GRM5: variants seen among roughly 807,000 people sequenced by gnomAD.
The protein encoded by GRM5 is glutamate metabotropic receptor 5, also known as metabotropic glutamate receptor 5.
Under a neutral mutation model 83.1 loss-of-function variants are expected in GRM5, and 19 were observed. The observed-to-expected ratio is 0.23, with a 90% CI of 0.16 to 0.34. The LOEUF is 0.34. GRM5 is among the 10% of genes least tolerant of loss of function. GRM5 has a pLI of 1.00. For missense variants in GRM5, 1,160 were observed against 1,588.3 expected (o/e 0.73, Z 4.58); for synonymous variants, 675 against 633.6 (o/e 1.07, Z -0.98).
intron 2 of GRM5, among the ~76,000 whole-genome samples, chr11:88,924,957 A>T (rs889744285): frequency 3.9e-5 from 6 of 152,032 alleles, no homozygotes; most frequent in South Asian, 2.1e-4. Context: ...AAATAAATTT[A>T]AAAAAATCAT....
At chr11:88,999,011 G>T (rs918263989) in intron 2 of GRM5, among the ~76,000 whole-genome samples, 7 of 152,076 alleles carry the variant, frequency 4.6e-5, no homozygotes, top group African/African-American at 1.4e-4. Context: ...TTAATAAATG[G>T]TGCTGGGAAA....
intron 3 of GRM5, among the ~76,000 whole-genome samples, chr11:88,706,375 A>G (rs2135379105): frequency 6.6e-6 from 1 of 152,150 alleles, no homozygotes; most frequent in South Asian, 2.1e-4. Context: ...ATTGCACTAT[A>G]TTGTAATTTT....
intron 4 of GRM5, among the ~76,000 whole-genome samples, chr11:88,613,684 C>T (rs1938389889): frequency 6.6e-6 from 1 of 152,096 alleles, no homozygotes; most frequent in Non-Finnish European, 1.5e-5. Flanking sequence ...CATTTACACT[C>T]AGGATATAAA....
Position 89,009,918 on chromosome 11 carries a change from A to AAAAAAAAC in GRM5, c.661+37293_661+37294insGTTTTTTT, listed in dbSNP as rs1565333878. 1.1e-3 allele frequency among the ~76,000 whole-genome samples: 153 copies of AAAAAAAAC among 136,164 alleles called. 11 individuals are homozygous for AAAAAAAAC. The highest frequency in any genetic ancestry group is 4.7e-3 in the African/African-American group (147 of 31,510). The allele number at this position is 136,164 out of a possible 152,430, so 89.3% of individuals were successfully genotyped here. A position where few individuals can be genotyped will look rare whatever the true frequency, so the allele number is the denominator to read the frequency against. Reference sequence around the variant, plus strand: ...TCCGTCTCAAAAAAAAAAAAAAAAAAAAAAAAAAAAAACACACACAAAATC... The same window carrying AAAAAAAAC: ...TCCGTCTCAAAAAAAAAAAAAAAAAAAAAAAAACAAAAAAAAAAAACACACACAAAATC... On this transcript the variant is annotated intron_variant, in intron 2 of 9. Coordinates refer to ENST00000305447, the MANE Select transcript of GRM5 (RefSeq NM_001143831.3).
chr11:88,581,776 C>T (rs117878709), intron 7 of GRM5, among the ~76,000 whole-genome samples: 1 of 152,104 alleles, frequency 6.6e-6, no homozygotes, highest in South Asian at 2.1e-4. Flanking sequence ...GATGAAAAAG[C>T]GACCGTGAAA....
At chr11:88,924,303 G>C (rs1352756388) in intron 2 of GRM5, among the ~76,000 whole-genome samples, 2 of 152,000 alleles carry the variant, frequency 1.3e-5, no homozygotes, top group Non-Finnish European at 2.9e-5. Flanking sequence ...ACCTCTGCTA[G>C]GTATCTATGT....
chr11:88,688,856 C>T (rs115439082), intron 3 of GRM5, among the ~76,000 whole-genome samples: 1,920 of 152,122 alleles, frequency 0.013, 43 homozygotes, highest in African/African-American at 0.045. Context: ...GGCGATTAGA[C>T]CTGGAACAGT....
At chr11:89,023,677 C>T (rs1941047874) in intron 2 of GRM5, among the ~76,000 whole-genome samples, 1 of 151,132 alleles carries the variant, frequency 6.6e-6, no homozygotes, top group Non-Finnish European at 1.5e-5. Flanking sequence ...AACCCCGTCT[C>T]TACTAAAAAT....
chr11:88,727,497 G>C (rs149872736), intron 3 of GRM5, among the ~76,000 whole-genome samples: 1 of 152,072 alleles, frequency 6.6e-6, no homozygotes, highest in Non-Finnish European at 1.5e-5. Flanking sequence ...AAATTATCAA[G>C]GATATTCAGG....
chr11:88,583,540 C>T (rs950101249), intron 7 of GRM5, among the ~76,000 whole-genome samples: 1 of 152,200 alleles, frequency 6.6e-6, no homozygotes, highest in Non-Finnish European at 1.5e-5. Flanking sequence ...CACCTGGTTA[C>T]TTCTTGAAAG....
intron 3 of GRM5, among the ~76,000 whole-genome samples, chr11:88,833,206 AAT>A (rs1944026780): frequency 6.6e-6 from 1 of 152,160 alleles, no homozygotes; most frequent in Non-Finnish European, 1.5e-5. Context: ...ATATTTGCAC[AAT>A]GTTTCATCTG....
chr11:88,893,609 A>G (rs1441451663), intron 2 of GRM5, among the ~76,000 whole-genome samples: 1 of 152,094 alleles, frequency 6.6e-6, no homozygotes, highest in Non-Finnish European at 1.5e-5. Flanking sequence ...TGTTACTTGT[A>G]TATTAATATT....
At chr11:88,684,449 G>A (rs1462410826) in intron 3 of GRM5, among the ~76,000 whole-genome samples, 1 of 152,166 alleles carries the variant, frequency 6.6e-6, no homozygotes, top group Non-Finnish European at 1.5e-5. Flanking sequence ...GCAAATGTTA[G>A]CGATATATTT....
At chr11:88,862,919 GA>G (rs1944590846) in intron 2 of GRM5, among the ~76,000 whole-genome samples, 1 of 151,530 alleles carries the variant, frequency 6.6e-6, no homozygotes, top group Non-Finnish European at 1.5e-5. Context: ...AAATTTACAA[GA>G]AAAAAACAAC....
intron 2 of GRM5, among the ~76,000 whole-genome samples, chr11:88,919,257 T>TATATATATATATATATATATATATATATA (rs1945648853): frequency 1.0e-5 from 1 of 96,410 alleles, no homozygotes; most frequent in Admixed American, 1.1e-4. Context: ...TATATATATA[T>TATATATATATATATATATATATATATATA]CGGATAAAAT....
intron 2 of GRM5, among the ~76,000 whole-genome samples, chr11:88,934,396 T>A: frequency 6.6e-6 from 1 of 151,932 alleles, no homozygotes; most frequent in Non-Finnish European, 1.5e-5. Flanking sequence ...TTTGTCATGT[T>A]ATTTTTCAGG....
chr11:88,709,928 C>G (rs1215553693), intron 3 of GRM5, among the ~76,000 whole-genome samples: 1 of 152,148 alleles, frequency 6.6e-6, no homozygotes. Flanking sequence ...CAAGTCACAG[C>G]TCTGCTGCCT....
At chr11:88,590,544 C>T (rs1280881555) in intron 7 of GRM5, 57 bp downstream of exon 7, 1 of 1,466,016 alleles carries the variant, frequency 6.8e-7, no homozygotes, top group African/African-American at 1.4e-5. Flanking sequence ...ACCCCCCTCT[C>T]CCACGTCTGC....
At chr11:88,919,502 A>C (rs1256170227) in intron 2 of GRM5, among the ~76,000 whole-genome samples, 1 of 151,236 alleles carries the variant, frequency 6.6e-6, no homozygotes, top group Non-Finnish European at 1.5e-5. Flanking sequence ...CCAGACAGGA[A>C]ATCAATAAAG....
Sources: allele counts gnomAD v4.1 joint callset (sites outside exome capture counted in the v4.1 genomes callset), GRCh38; gene constraint gnomAD v4.1.1; transcripts MANE v1.5; gene names NCBI Gene and HGNC (gene_info 2026-07-23, HGNC 2026-07-21).